The following PSME4 variants were observed in gnomAD, a reference collection of about 807,000 sequenced individuals.
PSME4 encodes proteasome activator subunit 4.
In PSME4, 89 loss-of-function variants were observed where a neutral mutation model predicts 253.9. The ratio of observed to expected loss-of-function variants is 0.35; its 90% CI spans 0.30 to 0.42. The LOEUF is 0.42. PSME4 is among the 10% of genes least tolerant of loss of function. The probability of loss-of-function intolerance (pLI) is 1.00; values close to 1 mark genes in which losing one functional copy is unlikely to be tolerated. For synonymous variants in PSME4, 851 were observed against 759.2 expected, an observed-to-expected ratio of 1.12 and a Z score of -1.99; for missense variants, 2,014 against 2,195.2, an observed-to-expected ratio of 0.92 and a Z score of 1.65.
chr2:53,870,319 T>C (rs950416082), intron 43 of PSME4: 9 of 152,158 alleles, frequency 5.9e-5, no homozygotes, highest in African/African-American at 2.2e-4. Context: ...TAAAATGTTT[T>C]ACTGGTTGCA....
chr2:53,890,234 A>G (rs1051803794), intron 36 of PSME4, 26 bp from the exon 37 acceptor site: 1 of 1,477,658 alleles, frequency 6.8e-7, no homozygotes. Context: ...TATATGGGTA[A>G]GAGTTAATGA....
In PSME4 at chr2:53,925,590, C is replaced by T; in HGVS notation, c.1758G>A (p.Leu586=). 6.2e-7 allele frequency: 1 copy of T among 1,608,214 alleles called. No individual in the cohort carries two copies. The highest frequency in any genetic ancestry group is 8.5e-7 in the Non-Finnish European group (1 of 1,175,166). Residue 586 remains leucine, a synonymous_variant, in exon 14 of 47, where the codon CTG becomes CTA. Coordinates refer to ENST00000404125, the MANE Select transcript of PSME4 (RefSeq NM_014614.3). ...TGAGGATTGTACTAAACGTAGAAGA[C>T]AGACCTAATTCGACCAAACTCTCCA... The part of the protein sequence containing the change: ...THLESLVELG[L]SSTFSTILTQ...
chr2:53,940,174 C>T (rs1204518435), intron 3 of PSME4, among the ~76,000 whole-genome samples, 174 bp from the exon 4 acceptor site: 2 of 152,056 alleles, frequency 1.3e-5, no homozygotes, highest in Non-Finnish European at 2.9e-5. Context: ...TACCTAAACT[C>T]CTTAATCTAC....
At chr2:53,915,344 G>C (rs986846639) in intron 20 of PSME4, among the ~76,000 whole-genome samples, 9 of 152,144 alleles carry the variant, frequency 5.9e-5, no homozygotes, top group Non-Finnish European at 1.3e-4. Flanking sequence ...GGGAGCTGAA[G>C]TGGGAGGATC....
chr2:53,896,699 AT>A, intron 32 of PSME4, 104 bp downstream of exon 32: 1 of 800,250 alleles, frequency 1.2e-6, no homozygotes, highest in Non-Finnish European at 2.1e-6. Flanking sequence ...TTGTGTTAAT[AT>A]CCATAGAACA....
At position 53,927,415 on chromosome 2, in the gene PSME4, T is replaced by G. The variant is rs1261131403; in HGVS notation, c.1572A>C (p.Gln524His). 6.3e-7 allele frequency: 1 copy of G among 1,583,172 alleles called. No individual in the cohort carries two copies. Among genetic ancestry groups the G allele is most frequent in the East Asian group, 2.2e-5 (1 of 44,704 alleles). Residue 524 changes from glutamine (Q) to histidine (H), a missense_variant, in exon 12 of 47, where the codon CAA (glutamine) becomes CAC (histidine). Gln to His is a conservative substitution (Grantham distance 24). This residue lies in a region of PSME4 where 989 missense variants were observed against 1,021.1 expected (regional missense o/e 0.97). Coordinates refer to ENST00000404125, the MANE Select transcript of PSME4 (RefSeq NM_014614.3). ...VPLVDCSSVL[Q>H]ERNDLTEVER... is the part of the protein sequence containing the mutation. ...TTACTTCTGTGAGGTCATTTCTTTC[T>G]TGTAGTACAGATGAACAATCTACTA...
At chr2:53,938,657 C>T (rs1669238390) in intron 4 of PSME4, among the ~76,000 whole-genome samples, 1 of 151,988 alleles carries the variant, frequency 6.6e-6, no homozygotes, top group African/African-American at 2.4e-5. Context: ...CTGATTCTTT[C>T]CAAATAAGTT....
intron 26 of PSME4, among the ~76,000 whole-genome samples, chr2:53,905,955 G>C (rs1373649344): frequency 2.0e-5 from 3 of 152,098 alleles, no homozygotes; most frequent in African/African-American, 7.2e-5. Flanking sequence ...AATCTGTAAC[G>C]CTCCAATAAA....
Position 53,906,810 on chromosome 2 carries a change from T to G in PSME4, c.2843A>C (p.His948Pro), listed in dbSNP as rs1558670592. 6.2e-7 allele frequency: 1 copy of G among 1,613,486 alleles called. No homozygotes were observed. Residue 948 changes from histidine (H) to proline (P), a missense_variant, in exon 25 of 47, where the codon CAT becomes CCT. This residue lies in a region of PSME4 where 989 missense variants were observed against 1,021.1 expected (regional missense o/e 0.97). Coordinates refer to ENST00000404125, the MANE Select transcript of PSME4 (RefSeq NM_014614.3). The part of the protein sequence containing the change: ...ALLIDRVMLQ[H>P]ELRTLTVEGC... ...ATGACTGAAAAACATATTTACCTCA[T>G]GCTGTAACATTACTCTATCAATCAA...
At chr2:53,970,509 C>T (rs1558440006) in intron 1 of PSME4, 34 bp downstream of exon 1, 1 of 1,547,882 alleles carries the variant, frequency 6.5e-7, no homozygotes. Context: ...GAGCCTTTCC[C>T]CCCGGCCCGG....
chr2:53,876,713 A>ATTTTTTTTTTT (rs1224675454), intron 41 of PSME4, among the ~76,000 whole-genome samples: 1 of 77,200 alleles, frequency 1.3e-5, no homozygotes, highest in Admixed American at 1.4e-4. Flanking sequence ...AGCCACTGTC[A>ATTTTTTTTTTT]TTCTTTTTTT....
intron 3 of PSME4, among the ~76,000 whole-genome samples, chr2:53,943,480 T>G (rs1429980825): frequency 6.6e-6 from 1 of 152,222 alleles, no homozygotes; most frequent in Non-Finnish European, 1.5e-5. Flanking sequence ...TCAGTTAAAC[T>G]AGTAAGTAGT....
In PSME4 at chr2:53,915,553, T is replaced by G. The variant is rs370842454; in HGVS notation, c.2516+3598A>C. On this transcript the variant is annotated intron_variant, in intron 20 of 46. Transcript: ENST00000404125. ...CAGTCTGGGCAACATAGTGAGACCT[T>G]GTCTCTCTATATTTTTTTTAAAGTA... Among the ~76,000 whole-genome samples, 59 of 152,010 alleles carry G rather than the reference T, an allele frequency of 3.9e-4. 1 individual carries two copies. In the East Asian group the frequency reaches 7.0e-3, roughly 18 times the overall value.
intron 1 of PSME4, among the ~76,000 whole-genome samples, chr2:53,966,919 C>T (rs1013628141): frequency 2.0e-5 from 3 of 152,164 alleles, no homozygotes; most frequent in Admixed American, 6.5e-5. Context: ...AGGCTGGTCT[C>T]GAACTCCTGA....
At chr2:53,969,199 C>T (rs1670902822) in intron 1 of PSME4, among the ~76,000 whole-genome samples, 1 of 152,142 alleles carries the variant, frequency 6.6e-6, no homozygotes, top group Admixed American at 6.6e-5. Context: ...CTTCTGCCGC[C>T]CCTCACCTCC....
chr2:53,920,647 T>C (rs141502541), intron 18 of PSME4, among the ~76,000 whole-genome samples: 70 of 152,302 alleles, frequency 4.6e-4, no homozygotes, highest in African/African-American at 1.1e-3. Flanking sequence ...TAAAATTATA[T>C]TGAACTATAG....
At position 53,888,703 on chromosome 2, in the gene PSME4, T is replaced by A. The variant is rs768867485; in HGVS notation, c.4388+18A>T. 1.9e-6 allele frequency: 3 copies of A among 1,560,910 alleles called. No individual in the cohort carries two copies. The highest frequency in any genetic ancestry group is 4.5e-5 in the East Asian group (2 of 44,264). ...AAACCTTTCGTGTTAACCTCATAGG[T>A]TTTTTAAAAAAATTTACCATGCATC... On this transcript the variant is annotated intron_variant, in intron 38 of 46. Coordinates refer to ENST00000404125, the MANE Select transcript of PSME4 (RefSeq NM_014614.3).
rs1172557327 is a variant in PSME4 at position 53,897,903 on chromosome 2, C to T, written c.3573G>A (p.Glu1191=). ...LPLRAIRFFV[E]NLNHDAIVVR... ...CTACAATTGCATCATGGTTGAGATT[C>T]TCAACAAAAAACCGTATGGCACGAA... The change falls in exon 31 of 47, where the codon GAG becomes GAA. Residue 1191 remains glutamate (E), a synonymous_variant. Transcript: ENST00000404125. 6.2e-7 allele frequency: 1 copy of T among 1,613,800 alleles called. No individual in the cohort carries two copies. Among genetic ancestry groups the T allele is most frequent in the South Asian group, 1.1e-5 (1 of 91,074 alleles).
intron 21 of PSME4, 39 bp downstream of exon 21, chr2:53,910,036 A>T: frequency 6.6e-7 from 1 of 1,506,228 alleles, no homozygotes; most frequent in Non-Finnish European, 9.2e-7. Context: ...ACTGACAAAA[A>T]TAATCCACAC....
Sources: gnomAD v4.1 joint callset for allele counts (sites outside exome capture counted in the v4.1 genomes callset) on GRCh38, gnomAD v4.1.1 for gene constraint, gnomAD v4.1.1 regional missense constraint, MANE v1.5 for transcripts, NCBI Gene and HGNC (gene_info 2026-07-23, HGNC 2026-07-21) for gene names.